The following MUSK variants were observed in gnomAD, a reference collection of about 807,000 sequenced individuals.
MUSK encodes muscle, skeletal receptor tyrosine-protein kinase.
Under a neutral mutation model 88.7 loss-of-function variants are expected in MUSK, and 55 were observed. The observed-to-expected ratio is 0.62, with a 90% CI of 0.50 to 0.78. The LOEUF (loss-of-function observed/expected upper bound fraction) is 0.78, where lower values mean the gene tolerates loss of function less well. MUSK is among the 30% of genes least tolerant of loss of function. MUSK has a pLI of 0.00. For missense variants in MUSK, 1,015 were observed against 1,074.3 expected (o/e 0.94, Z 0.77); for synonymous variants, 387 against 391.9 (o/e 0.99, Z 0.15).
Position 110,802,126 on chromosome 9 carries a change from C to T in MUSK, c.*1138C>T, listed in dbSNP as rs1436883031. On this transcript the variant is annotated 3_prime_UTR_variant, in exon 15 of 15. Transcript: ENST00000374448. The stretch of plus-strand genomic sequence containing the variant: ...TTTCTGTGCATTCTGACATTTTATT[C>T]CTTTTAGAAACAAATTCAGTTGGCT... Among the ~76,000 whole-genome samples the T allele has an allele frequency of 1.3e-5, 2 of 151,930 alleles. No individual in the cohort carries two copies. The highest frequency in any genetic ancestry group is 4.8e-5 in the African/African-American group (2 of 41,384).
Position 110,804,377 on chromosome 9 carries a change from C to T in MUSK, c.*3389C>T, listed in dbSNP as rs2078134197. 6.6e-6 allele frequency among the ~76,000 whole-genome samples: 1 copy of T among 152,072 alleles called. No homozygotes were observed. Among genetic ancestry groups the T allele is most frequent in the Non-Finnish European group, 1.5e-5 (1 of 67,962 alleles). ...ATATTACTGCCACTTCTACATTGTA[C>T]AAGAGATCTCATAGCCCTAAACATT... On this transcript the variant is annotated 3_prime_UTR_variant, in exon 15 of 15. Coordinates refer to ENST00000374448, the MANE Select transcript of MUSK (RefSeq NM_005592.4).
Position 110,787,691 on chromosome 9 carries a change from G to A in MUSK, c.1780G>A (p.Ala594Thr), listed in dbSNP as rs963155772. ...TTTTTCAATAAATGTATCTCTCAGG[G>A]CACCAGGCTTACTTCCCTATGAACC... Reference protein sequence around the residue: ...GAFGRVFQARAPGLLPYEPFT... With the variant: ...GAFGRVFQARTPGLLPYEPFT... The change falls in exon 14 of 15, where the codon GCA (alanine) becomes ACA (threonine). Residue 594 changes from alanine (A) to threonine (T), a missense_variant and splice_region_variant. Physicochemically the swap from Ala to Thr is moderately conservative, Grantham distance 58 (BLOSUM62 0). Coordinates refer to ENST00000374448, the MANE Select transcript of MUSK (RefSeq NM_005592.4). 4 of 1,613,078 alleles carry A rather than the reference G, an allele frequency of 2.5e-6. No individual in the cohort carries two copies. The African/African-American group carries it at 4.0e-5, about 16-fold the overall frequency.
intron 1 of MUSK, among the ~76,000 whole-genome samples, chr9:110,679,528 T>C (rs912455687): frequency 6.6e-6 from 1 of 152,072 alleles, no homozygotes; most frequent in African/African-American, 2.4e-5. Context: ...CTTATACCAT[T>C]GGCACTTACT....
intron 7 of MUSK, among the ~76,000 whole-genome samples, chr9:110,758,383 C>A (rs2077354586): frequency 6.6e-6 from 1 of 152,122 alleles, no homozygotes; most frequent in African/African-American, 2.4e-5. Flanking sequence ...CAAATTAATA[C>A]CATCTGTGAT....
chr9:110,686,972 G>A (rs931133158), intron 2 of MUSK, 145 bp from the exon 3 acceptor site: 3 of 659,302 alleles, frequency 4.6e-6, no homozygotes, highest in South Asian at 2.3e-5. Context: ...ATCAAGTAAG[G>A]TTATTCTATT....
intron 11 of MUSK, 123 bp from the exon 12 acceptor site, chr9:110,784,692 C>A (rs1216261618): frequency 4.4e-6 from 3 of 680,440 alleles, no homozygotes; most frequent in Admixed American, 6.2e-5. Flanking sequence ...AAATATATAA[C>A]CAGGGAGAAC....
At position 110,802,839 on chromosome 9, in the gene MUSK, C is replaced by T. The variant is rs190387028; in HGVS notation, c.*1851C>T. Among the ~76,000 whole-genome samples the T allele has an allele frequency of 4.6e-5, 7 of 152,178 alleles. No homozygotes were observed. Among genetic ancestry groups the T allele is most frequent in the Admixed American group, 1.3e-4 (2 of 15,292 alleles). On this transcript the variant is annotated 3_prime_UTR_variant, in exon 15 of 15. Transcript: ENST00000374448. ...AGTCACAGTTCTGGTTCATAAATAG[C>T]GAGGTCAGCATTTAGGACTGAGACC... is the stretch of plus-strand genomic sequence containing the variant.
Position 110,695,762 on chromosome 9 carries a change from G to A in MUSK, c.486+232G>A, listed in dbSNP as rs12001846. Among the ~76,000 whole-genome samples, 3,555 of 152,022 alleles carry A rather than the reference G, an allele frequency of 0.023. 127 individuals are homozygous for A. The highest frequency in any genetic ancestry group is 0.081 in the African/African-American group (3,351 of 41,454). Reference sequence around the variant, plus strand: ...AATAATGTTAAAGATAGAAAAGGAGGCAATGAAAAAGCAAACCTGGAATCC... The same window carrying A: ...AATAATGTTAAAGATAGAAAAGGAGACAATGAAAAAGCAAACCTGGAATCC... On this transcript the variant is annotated intron_variant, in intron 4 of 14. Coordinates refer to ENST00000374448, the MANE Select transcript of MUSK (RefSeq NM_005592.4).
intron 2 of MUSK, among the ~76,000 whole-genome samples, chr9:110,686,635 G>A (rs1296109687): frequency 1.3e-5 from 2 of 152,118 alleles, no homozygotes; most frequent in African/African-American, 4.8e-5. Context: ...CTAGAAGTGT[G>A]CCTGGCACTT....
intron 1 of MUSK, among the ~76,000 whole-genome samples, chr9:110,670,741 A>C (rs2075946688): frequency 1.3e-5 from 2 of 152,192 alleles, no homozygotes; most frequent in Non-Finnish European, 2.9e-5. Context: ...TTAAAATCAA[A>C]AAATTTAAGC....
In MUSK at chr9:110,726,174, A is replaced by G. The variant is rs192668907; in HGVS notation, c.629-8077A>G. On this transcript the variant is annotated intron_variant, in intron 5 of 14. Coordinates refer to ENST00000374448, the MANE Select transcript of MUSK (RefSeq NM_005592.4). ...ATATTTGCATTAGAAAGAAATTTTG[A>G]TAGTCTATAACTGAAACTATAATTT... is the stretch of plus-strand genomic sequence containing the variant. 2.0e-5 allele frequency among the ~76,000 whole-genome samples: 3 copies of G among 152,154 alleles called. No individual in the cohort carries two copies. In the South Asian group the frequency reaches 6.2e-4, roughly 32 times the overall value.
At chr9:110,699,333 G>A (rs980200391) in intron 5 of MUSK, among the ~76,000 whole-genome samples, 8 of 151,958 alleles carry the variant, frequency 5.3e-5, no homozygotes, top group East Asian at 1.9e-4. Context: ...GATGATTTTC[G>A]CACACATTTA....
At chr9:110,787,341 GAC>G (rs2077887818) in intron 13 of MUSK, among the ~76,000 whole-genome samples, 2 of 116,136 alleles carry the variant, frequency 1.7e-5, no homozygotes, top group South Asian at 6.0e-4. Flanking sequence ...CAGCCTGGAT[GAC>G]AGAGTGAGAC....
chr9:110,732,387 A>C (rs1335805992), intron 5 of MUSK, among the ~76,000 whole-genome samples: 1 of 152,024 alleles, frequency 6.6e-6, no homozygotes, highest in Non-Finnish European at 1.5e-5. Context: ...CCTCACTACG[A>C]TGCCTGTCAG....
chr9:110,726,681 C>T (rs771350590), intron 5 of MUSK, among the ~76,000 whole-genome samples: 6 of 152,028 alleles, frequency 3.9e-5, no homozygotes, highest in Non-Finnish European at 5.9e-5. Flanking sequence ...AACACCATGG[C>T]CATCCCAACC....
chr9:110,689,952 ATAAATATATATTTATATAT>A (rs1265085030), intron 3 of MUSK, among the ~76,000 whole-genome samples: 15 of 92,418 alleles, frequency 1.6e-4, no homozygotes, highest in Non-Finnish European at 2.6e-4. Context: ...ATATTTAAAT[ATAAATATATATTTATATAT>A]TATATTATAA....
chr9:110,723,262 C>CACACACAT (rs1232432339), intron 5 of MUSK, among the ~76,000 whole-genome samples: 2 of 151,250 alleles, frequency 1.3e-5, no homozygotes, highest in South Asian at 2.1e-4. Flanking sequence ...CACACACACA[C>CACACACAT]ATACATACCA....
rs763859844 is a variant in MUSK at position 110,800,353 on chromosome 9, G to A, written c.1975G>A (p.Ala659Thr). Residue 659 changes from alanine (A) to threonine (T), a missense_variant, in exon 15 of 15, where the codon GCC (alanine) becomes ACC (threonine). Transcript: ENST00000374448. ...KPMCLLFEYM[A>T]YGDLNEFLRS... ...AATGTGCCTGCTCTTTGAATACATG[G>A]CCTATGGTGACCTCAATGAGTTCCT... 1 of 1,613,794 alleles carries A rather than the reference G, an allele frequency of 6.2e-7. No homozygotes were observed. Among genetic ancestry groups the A allele is most frequent in the South Asian group, 1.1e-5 (1 of 91,058 alleles).
chr9:110,768,255 C>G (rs980383148), intron 9 of MUSK, among the ~76,000 whole-genome samples, 172 bp downstream of exon 9: 12 of 152,126 alleles, frequency 7.9e-5, no homozygotes, highest in African/African-American at 2.9e-4. Context: ...CCCAGCACTT[C>G]GGGAGGCCGA....
Sources: gnomAD v4.1 joint callset for allele counts (sites outside exome capture counted in the v4.1 genomes callset) on GRCh38, gnomAD v4.1.1 for gene constraint, MANE v1.5 for transcripts, NCBI Gene and HGNC (gene_info 2026-07-23, HGNC 2026-07-21) for gene names.